Variants in PDSS2 observed in about 807,000 individuals in gnomAD.
PDSS2 encodes decaprenyl diphosphate synthase subunit 2, also known as all trans-polyprenyl-diphosphate synthase PDSS2.
A neutral mutation model predicts 44.5 loss-of-function variants in PDSS2; 31 were observed. The ratio of observed to expected loss-of-function variants is 0.70; its 90% CI spans 0.52 to 0.94. The LOEUF (loss-of-function observed/expected upper bound fraction) is 0.94, where lower values mean the gene tolerates loss of function less well. Ranked by LOEUF, PDSS2 falls within the 40% of genes least tolerant of loss-of-function variation. PDSS2 has a pLI of 0.00. For missense variants in PDSS2, 452 were observed against 482.2 expected (o/e 0.94, Z 0.59); for synonymous variants, 157 against 180.3 (o/e 0.87, Z 1.03).
At chr6:107,407,026 G>A (rs1431782431) in intron 1 of PDSS2, among the ~76,000 whole-genome samples, 3 of 152,178 alleles carry the variant, frequency 2.0e-5, no homozygotes, top group African/African-American at 4.8e-5. Context: ...GGGGAGTGTA[G>A]TGCAGTCAAA....
At chr6:107,165,204 A>G (rs1355174950) in intron 7 of PDSS2, among the ~76,000 whole-genome samples, 1 of 152,052 alleles carries the variant, frequency 6.6e-6, no homozygotes, top group Non-Finnish European at 1.5e-5. Flanking sequence ...TTTTGTTGCC[A>G]TTGCTTTTGG....
intron 6 of PDSS2, among the ~76,000 whole-genome samples, chr6:107,204,436 T>G (rs1044070885): frequency 6.6e-6 from 1 of 152,190 alleles, no homozygotes; most frequent in African/African-American, 2.4e-5. Flanking sequence ...GTACATATTT[T>G]TACATAAACC....
chr6:107,441,262 C>T (rs1442881643), intron 1 of PDSS2, among the ~76,000 whole-genome samples: 1 of 152,138 alleles, frequency 6.6e-6, no homozygotes, highest in Non-Finnish European at 1.5e-5. Context: ...ATGCTTCTAC[C>T]AACATTTCTT....
chr6:107,426,249 G>C (rs1780999233), intron 1 of PDSS2, among the ~76,000 whole-genome samples: 1 of 152,224 alleles, frequency 6.6e-6, no homozygotes, highest in South Asian at 2.1e-4. Flanking sequence ...CATAAAGCTT[G>C]AGCTGTGGCT....
At chr6:107,255,599 C>CAA (rs547541454) in intron 3 of PDSS2, among the ~76,000 whole-genome samples, 13 of 78,738 alleles carry the variant, frequency 1.7e-4, no homozygotes, top group African/African-American at 3.6e-4. Context: ...AACTCCATCT[C>CAA]AAAAAAAAAA....
intron 6 of PDSS2, among the ~76,000 whole-genome samples, chr6:107,199,698 C>A (rs1772703508): frequency 6.6e-6 from 1 of 152,182 alleles, no homozygotes; most frequent in Non-Finnish European, 1.5e-5. Flanking sequence ...AAGTTGAGAT[C>A]AGTGTCTGAG....
chr6:107,240,068 C>T (rs1032483235), intron 4 of PDSS2, among the ~76,000 whole-genome samples: 5 of 151,946 alleles, frequency 3.3e-5, no homozygotes, highest in Admixed American at 1.3e-4. Flanking sequence ...GTAACATGAG[C>T]GTAATATATA....
intron 2 of PDSS2, among the ~76,000 whole-genome samples, chr6:107,287,652 G>A (rs1313964590): frequency 6.6e-6 from 1 of 151,834 alleles, no homozygotes; most frequent in Admixed American, 6.6e-5. Context: ...CTCCCAAGTA[G>A]CTGGGATTAC....
At chr6:107,451,948 T>C (rs79587727) in intron 1 of PDSS2, among the ~76,000 whole-genome samples, 7,360 of 152,336 alleles carry the variant, frequency 0.048, 361 homozygotes, top group African/African-American at 0.12. Flanking sequence ...AGGCTAATAA[T>C]GTTGAACATC....
At chr6:107,457,058 T>C (rs541621408) in intron 1 of PDSS2, among the ~76,000 whole-genome samples, 2 of 152,346 alleles carry the variant, frequency 1.3e-5, no homozygotes, top group Admixed American at 1.3e-4. Flanking sequence ...ACATTCCAGC[T>C]AATCATAAGG....
At chr6:107,343,595 G>A (rs1304324921) in intron 1 of PDSS2, among the ~76,000 whole-genome samples, 3 of 151,972 alleles carry the variant, frequency 2.0e-5, no homozygotes, top group Admixed American at 1.3e-4. Flanking sequence ...AAACATTAAC[G>A]TTTACTTAAT....
At chr6:107,389,289 CCTAA>C (rs1210691496) in intron 1 of PDSS2, among the ~76,000 whole-genome samples, 1 of 151,962 alleles carries the variant, frequency 6.6e-6, no homozygotes, top group Non-Finnish European at 1.5e-5. Context: ...TGAAAAAGAA[CCTAA>C]CTATTATAAA....
chr6:107,437,188 T>C (rs1781375099), intron 1 of PDSS2, among the ~76,000 whole-genome samples: 2 of 152,062 alleles, frequency 1.3e-5, no homozygotes, highest in Admixed American at 6.6e-5. Context: ...GGGAAGACTA[T>C]CATGAAAATG....
intron 1 of PDSS2, among the ~76,000 whole-genome samples, chr6:107,423,930 C>G (rs564561893): frequency 3.3e-5 from 5 of 152,054 alleles, no homozygotes; most frequent in South Asian, 2.1e-4. Flanking sequence ...TTCCATAAAG[C>G]CTTTGGTTTA....
At chr6:107,392,356 T>C (rs1195612860) in intron 1 of PDSS2, among the ~76,000 whole-genome samples, 9 of 152,228 alleles carry the variant, frequency 5.9e-5, no homozygotes, top group South Asian at 4.1e-4. Context: ...CAGATACTGC[T>C]TGCAGCAGTG....
intron 7 of PDSS2, among the ~76,000 whole-genome samples, chr6:107,185,070 C>T (rs1372267152): frequency 2.2e-5 from 3 of 134,954 alleles, no homozygotes; most frequent in Admixed American, 1.7e-4. Flanking sequence ...CCCAGGAGTT[C>T]GAGGCTGTAG....
At chr6:107,279,081 A>G (rs1357598763) in intron 2 of PDSS2, among the ~76,000 whole-genome samples, 2 of 152,100 alleles carry the variant, frequency 1.3e-5, no homozygotes, top group South Asian at 2.1e-4. Flanking sequence ...TTGGCTGGAC[A>G]TGGTGGCGCA....
chr6:107,187,222 C>A lies in PDSS2; in HGVS notation c.1041+6600G>T, dbSNP rs1421978179. ...AAGGCTGACAGGTCTGGATTAACTA[C>A]CTAAATCGAGTTATGTCTTTAAATA... On this transcript the variant is annotated intron_variant, in intron 7 of 7. Transcript: ENST00000369037. Among the ~76,000 whole-genome samples, 11 of 152,254 alleles carry A rather than the reference C, an allele frequency of 7.2e-5. No homozygotes were observed. In the East Asian group the frequency reaches 2.1e-3, roughly 29 times the overall value.
intron 7 of PDSS2, among the ~76,000 whole-genome samples, chr6:107,182,471 C>T (rs1473981459): frequency 2.6e-5 from 4 of 152,116 alleles, no homozygotes; most frequent in African/African-American, 9.7e-5. Flanking sequence ...ACTATAGGTA[C>T]CCGCCACCAC....
Sources: gnomAD v4.1 joint callset for allele counts (sites outside exome capture counted in the v4.1 genomes callset) on GRCh38, gnomAD v4.1.1 for gene constraint, MANE v1.5 for transcripts, NCBI Gene and HGNC (gene_info 2026-07-23, HGNC 2026-07-21) for gene names.